FAAH: variants seen among roughly 807,000 people sequenced by gnomAD.
FAAH encodes fatty acid amide hydrolase.
FAAH carries 63 observed loss-of-function variants against 69.7 expected under a neutral mutation model. The observed-to-expected ratio is 0.90, with a 90% CI of 0.74 to 1.12. The LOEUF is 1.12. FAAH is among the 50% of genes most tolerant of loss of function. The pLI is 0.00. For missense variants in FAAH, 680 were observed against 755.0 expected, an observed-to-expected ratio of 0.90 and a Z score of 1.16; for synonymous variants, 305 against 324.2, an observed-to-expected ratio of 0.94 and a Z score of 0.64.
Position 46,410,728 on chromosome 1 carries a change from G to A in FAAH, c.1276-86G>A. On this transcript the variant is annotated intron_variant, in intron 10 of 14. Coordinates refer to ENST00000243167, the MANE Select transcript of FAAH (RefSeq NM_001441.3). The surrounding 1 kb of genome is among the most constrained non-coding windows in gnomAD (Gnocchi z 4.9). ...GGCCCTGGGGGGAGGCATGGAGGGA[G>A]GGGTCCCCAGTGGCTTGGCCTGAAG... The A allele has an allele frequency of 6.4e-7, 1 of 1,554,624 alleles. No individual in the cohort carries two copies. The highest frequency in any genetic ancestry group is 8.9e-7 in the Non-Finnish European group (1 of 1,125,908).
Position 46,405,633 on chromosome 1 carries a change from G to A in FAAH, c.624G>A (p.Trp208Ter), listed in dbSNP as rs61744669. 4 of 1,613,548 alleles carry A rather than the reference G, an allele frequency of 2.5e-6. No homozygotes were observed. Among genetic ancestry groups the A allele is most frequent in the Non-Finnish European group, 3.4e-6 (4 of 1,180,040 alleles). ...TCTTTGGCCAGACCGTGAACCCATG[G>A]AAGTCCTCCAAAAGCCCAGGGGGCT... Reference protein sequence around the residue: ...NPLFGQTVNPWKSSKSPGGSS... With the variant: ...NPLFGQTVNP Residue 208 changes from tryptophan (W) to a stop codon, truncating the protein, a stop_gained, in exon 5 of 15, where the codon TGG becomes TGA. Transcript: ENST00000243167. LOFTEE classifies it high-confidence loss of function. The surrounding 1 kb of genome is among the most constrained non-coding windows in gnomAD (Gnocchi z 4.1).
chr1:46,413,549 A>T lies in FAAH; in HGVS notation c.1714A>T (p.Met572Leu). Residue 572 changes from methionine (M) to leucine (L), a missense_variant, in exon 15 of 15, where the codon ATG becomes TTG. Coordinates refer to ENST00000243167, the MANE Select transcript of FAAH (RefSeq NM_001441.3). Reference protein sequence around the residue: ...LRFMREVERLMTPEKQSS With the variant: ...LRFMREVERLLTPEKQSS ...GTTCATGCGGGAGGTGGAGCGACTG[A>T]TGACCCCTGAAAAGCAGTCATCCTG... The T allele has an allele frequency of 6.2e-7, 1 of 1,614,048 alleles. No individual in the cohort carries two copies. Among genetic ancestry groups the T allele is most frequent in the Non-Finnish European group, 8.5e-7 (1 of 1,179,964 alleles).
At chr1:46,402,446 C>T (rs1266606441) in intron 2 of FAAH, among the ~76,000 whole-genome samples, 3 of 152,236 alleles carry the variant, frequency 2.0e-5, no homozygotes, top group African/African-American at 7.2e-5. Flanking sequence ...TAGCTAGTAA[C>T]CTGGCTTTTA....
rs76642785 is a variant in FAAH at position 46,409,858 on chromosome 1, C to T, written c.1176-540C>T. 1.9e-3 allele frequency among the ~76,000 whole-genome samples: 297 copies of T among 152,310 alleles called. 5 individuals are homozygous for T. In the Middle Eastern group the frequency reaches 0.037, roughly 19 times the overall value. Reference sequence around the variant, plus strand: ...CCTGGAGCTTGGCCCTGCAGCTTCACTCAGTCAAGGGCCCAGCCTGTCATG... The same window carrying T: ...CCTGGAGCTTGGCCCTGCAGCTTCATTCAGTCAAGGGCCCAGCCTGTCATG... On this transcript the variant is annotated intron_variant, in intron 9 of 14. Transcript: ENST00000243167.
At chr1:46,406,163 C>T (rs1461373147) in intron 6 of FAAH, 81 bp from the exon 7 acceptor site, 1 of 1,613,600 alleles carries the variant, frequency 6.2e-7, no homozygotes, top group East Asian at 2.2e-5. Flanking sequence ...GGTGGCAGGG[C>T]AGTGTCTGGC....
chr1:46,411,703 T>C lies in FAAH; in HGVS notation c.1356+52T>C, dbSNP rs1301632225. Reference sequence around the variant, plus strand: ...CAGGGTGGTGGGGGGAGGGTGGAGTTGGACAGGGTACCCGCTAGCAGTGTC... The same window carrying C: ...CAGGGTGGTGGGGGGAGGGTGGAGTCGGACAGGGTACCCGCTAGCAGTGTC... On this transcript the variant is annotated intron_variant, in intron 12 of 14. Coordinates refer to ENST00000243167, the MANE Select transcript of FAAH (RefSeq NM_001441.3). The surrounding 1 kb of genome is among the most constrained non-coding windows in gnomAD (Gnocchi z 4.8). 14 of 1,602,468 alleles carry C rather than the reference T, an allele frequency of 8.7e-6. No homozygotes were observed. The highest frequency in any genetic ancestry group is 1.2e-5 in the Non-Finnish European group (14 of 1,171,126).
Position 46,402,622 on chromosome 1 carries a change from C to T in FAAH, c.309+418C>T, listed in dbSNP as rs45536840. Among the ~76,000 whole-genome samples, 541 of 151,668 alleles carry T rather than the reference C, an allele frequency of 3.6e-3. 8 individuals carry two copies. Among genetic ancestry groups the T allele is most frequent in the African/African-American group, 0.012 (497 of 41,334 alleles). ...CCACCTCCTGGGTTCAAGCAATTCT[C>T]CTGCCTCAGCCTCCCAAGTAGCTGG... On this transcript the variant is annotated intron_variant, in intron 2 of 14. Transcript: ENST00000243167.
At chr1:46,398,536 A>T (rs1664639828) in intron 1 of FAAH, among the ~76,000 whole-genome samples, 2 of 126,902 alleles carry the variant, frequency 1.6e-5, no homozygotes, top group Non-Finnish European at 3.7e-5. Flanking sequence ...GGCAACCAAG[A>T]TTCTTTTTTT....
chr1:46,408,589 G>A lies in FAAH; in HGVS notation c.1077+5G>A, dbSNP rs1664843003. On this transcript the variant is annotated splice_donor_5th_base_variant and intron_variant, in intron 8 of 14. Transcript: ENST00000243167. ...CTTGAGGCTGCGGGGCACACGGTAT[G>A]ACTGCAGGGTCCTGGAAGTACTGGC... The A allele has an allele frequency of 1.2e-6, 2 of 1,614,158 alleles. No homozygotes were observed. The highest frequency in any genetic ancestry group is 8.5e-7 in the Non-Finnish European group (1 of 1,180,040).
rs749882875 is a variant in FAAH, at chr1:46,410,777, A to G, written c.1276-37A>G. On this transcript the variant is annotated intron_variant, in intron 10 of 14. Coordinates refer to ENST00000243167, the MANE Select transcript of FAAH (RefSeq NM_001441.3). This position sits in a 1 kb window ranked among gnomAD's most constrained non-coding sequence, Gnocchi z 4.9. ...AGAAGGTTGACGTCTGCCGTGGCCC[A>G]GAGCTGAGTCACCGACCCTGCGTCT... 6.8e-6 allele frequency: 11 copies of G among 1,613,888 alleles called. No individual in the cohort carries two copies. The African/African-American group carries it at 1.5e-4, about 22-fold the overall frequency.
intron 1 of FAAH, among the ~76,000 whole-genome samples, chr1:46,399,684 A>G (rs1664662586): frequency 6.6e-6 from 1 of 152,230 alleles, no homozygotes; most frequent in Non-Finnish European, 1.5e-5. Context: ...GGCATTTTTT[A>G]AAATACAATG....
chr1:46,406,143 G>A (rs1461730089), intron 6 of FAAH, 65 bp downstream of exon 6: 5 of 1,613,560 alleles, frequency 3.1e-6, no homozygotes, highest in Middle Eastern at 1.7e-4. Context: ...GCTTCCGCCC[G>A]TGCTTCTCAG....
rs766731020 is a variant in FAAH at position 46,410,380 on chromosome 1, G to A, written c.1176-18G>A. 5.6e-6 allele frequency: 9 copies of A among 1,607,872 alleles called. No homozygotes were observed. The highest frequency in any genetic ancestry group is 4.0e-5 in the African/African-American group (3 of 74,798). On this transcript the variant is annotated intron_variant, in intron 9 of 14. Coordinates refer to ENST00000243167, the MANE Select transcript of FAAH (RefSeq NM_001441.3). The surrounding 1 kb of genome is among the most constrained non-coding windows in gnomAD (Gnocchi z 4.9). ...ATGTGGGGATGGGAGTGCCTGGACC[G>A]AGCATTTTGTTTCCCAGCAAAGGTG...
rs1227577783 is a variant in FAAH at position 46,405,560 on chromosome 1, C to T, written c.579-28C>T. The T allele has an allele frequency of 5.6e-6, 9 of 1,613,074 alleles. No individual in the cohort carries two copies. The highest frequency in any genetic ancestry group is 2.7e-5 in the African/African-American group (2 of 74,954). Reference sequence around the variant, plus strand: ...CAGGGGCACCGGTCCCAGCATGGCACGGGCTGACCCATTCTTGGCTCCTCC... The same window carrying T: ...CAGGGGCACCGGTCCCAGCATGGCATGGGCTGACCCATTCTTGGCTCCTCC... On this transcript the variant is annotated intron_variant, in intron 4 of 14. Transcript: ENST00000243167. This position sits in a 1 kb window ranked among gnomAD's most constrained non-coding sequence, Gnocchi z 4.1.
At position 46,411,258 on chromosome 1, in the gene FAAH, G is replaced by T. The variant is rs1451156785; in HGVS notation, c.1317-354G>T. On this transcript the variant is annotated intron_variant, in intron 11 of 14. Transcript: ENST00000243167. This position sits in a 1 kb window ranked among gnomAD's most constrained non-coding sequence, Gnocchi z 4.8. ...TAGTGGCTGGGGCTGGAAAAGCAGG[G>T]CGTAAACCTCCCTGTTTCATGCCCT... 6.6e-6 allele frequency among the ~76,000 whole-genome samples: 1 copy of T among 152,220 alleles called. No homozygotes were observed. Among genetic ancestry groups the T allele is most frequent in the Non-Finnish European group, 1.5e-5 (1 of 68,038 alleles).
chr1:46,411,979 G>C lies in FAAH; in HGVS notation c.1357-164G>C, dbSNP rs1166732212. ...AGGCAGAACGACTGATGCCCTCTGA[G>C]AGGCAGCACTGCCTGCCCGGAGGAC... On this transcript the variant is annotated intron_variant, in intron 12 of 14. Transcript: ENST00000243167. The surrounding 1 kb of genome is among the most constrained non-coding windows in gnomAD (Gnocchi z 4.8). Among the ~76,000 whole-genome samples, 1 of 152,274 alleles carries C rather than the reference G, an allele frequency of 6.6e-6. No homozygotes were observed. Among genetic ancestry groups the C allele is most frequent in the African/African-American group, 2.4e-5 (1 of 41,476 alleles).
At chr1:46,409,470 C>T (rs1241656278) in intron 9 of FAAH, among the ~76,000 whole-genome samples, 4 of 152,008 alleles carry the variant, frequency 2.6e-5, no homozygotes, top group Admixed American at 6.6e-5. Context: ...CAGGAGGTTG[C>T]CTCTCTGTTT....
chr1:46,409,019 A>T, intron 8 of FAAH, 82 bp from the exon 9 acceptor site: 2 of 1,192,504 alleles, frequency 1.7e-6, no homozygotes, highest in Non-Finnish European at 2.5e-6. Flanking sequence ...GGTCCAATCC[A>T]TCCTCAGGGC....
rs557178009 is a variant in FAAH at position 46,399,054 on chromosome 1, G to C, written c.196-3037G>C. On this transcript the variant is annotated intron_variant, in intron 1 of 14. Coordinates refer to ENST00000243167, the MANE Select transcript of FAAH (RefSeq NM_001441.3). Reference sequence around the variant, plus strand: ...CCGAAGAGAAGGACCACCATCAATAGAATAGTATAGCTGGGAGAGACATCA... The same window carrying C: ...CCGAAGAGAAGGACCACCATCAATACAATAGTATAGCTGGGAGAGACATCA... Among the ~76,000 whole-genome samples the C allele has an allele frequency of 2.0e-5, 3 of 152,306 alleles. No individual in the cohort carries two copies. The South Asian group carries it at 6.2e-4, about 32-fold the overall frequency.
Sources: allele counts gnomAD v4.1 joint callset (sites outside exome capture counted in the v4.1 genomes callset), GRCh38; gene constraint gnomAD v4.1.1; non-coding constraint Gnocchi (gnomAD v3.1); transcripts MANE v1.5; gene names NCBI Gene and HGNC (gene_info 2026-07-23, HGNC 2026-07-21).